Variants in SMIM13 observed in about 807,000 individuals in gnomAD.
SMIM13 encodes small integral membrane protein 13.
Under a neutral mutation model 5.9 loss-of-function variants are expected in SMIM13, and 3 were observed. The observed-to-expected ratio is 0.51, with a 90% CI of 0.23 to 1.31. The LOEUF (loss-of-function observed/expected upper bound fraction) is 1.31. Among genes scored for constraint, SMIM13 ranks in the 40% most tolerant of loss-of-function variants. SMIM13 has a pLI of 0.18. For missense variants in SMIM13, 85 were observed against 109.9 expected (o/e 0.77, Z 1.01); for synonymous variants, 55 against 46.0 (o/e 1.19, Z -0.79).
At chr6:11,116,888 ACTT>A (rs1758246009) in intron 1 of SMIM13, among the ~76,000 whole-genome samples, 1 of 141,644 alleles carries the variant, frequency 7.1e-6, no homozygotes, top group Non-Finnish European at 1.5e-5. Context: ...TTTAATTTGT[ACTT>A]CTTTTTCAAG....
chr6:11,109,940 C>T (rs542740005), intron 1 of SMIM13, among the ~76,000 whole-genome samples: 1 of 152,274 alleles, frequency 6.6e-6, no homozygotes, highest in East Asian at 1.9e-4. Flanking sequence ...GTGGGTAGGG[C>T]ATTACCCCAT....
At chr6:11,128,798 A>G (rs1402158981) in intron 1 of SMIM13, among the ~76,000 whole-genome samples, 3 of 151,848 alleles carry the variant, frequency 2.0e-5, no homozygotes, top group Non-Finnish European at 4.4e-5. Flanking sequence ...GCTTTCTCCT[A>G]TGACAGGACA....
At chr6:11,103,797 T>G (rs1355627237) in intron 1 of SMIM13, 2 of 1,551,622 alleles carry the variant, frequency 1.3e-6, no homozygotes, top group South Asian at 1.2e-5. Flanking sequence ...GGTTATTAGA[T>G]TTAGGAGACA....
chr6:11,123,928 C>T (rs1242837543), intron 1 of SMIM13, among the ~76,000 whole-genome samples: 2 of 152,076 alleles, frequency 1.3e-5, no homozygotes, highest in East Asian at 1.9e-4. Flanking sequence ...TATTTTGATA[C>T]GGGCATGCAA....
At chr6:11,097,149 A>T (rs1269415417) in intron 1 of SMIM13, among the ~76,000 whole-genome samples, 2 of 152,040 alleles carry the variant, frequency 1.3e-5, no homozygotes, top group Admixed American at 6.5e-5. Flanking sequence ...AAACGCATTT[A>T]TTTTTTTACA....
At chr6:11,124,098 T>C (rs1758346272) in intron 1 of SMIM13, among the ~76,000 whole-genome samples, 1 of 152,250 alleles carries the variant, frequency 6.6e-6, no homozygotes, top group African/African-American at 2.4e-5. Flanking sequence ...CTAGATCTTA[T>C]TCATTCTATC....
intron 1 of SMIM13, chr6:11,104,516 G>A (rs1478574110): frequency 1.3e-6 from 2 of 1,565,238 alleles, no homozygotes; most frequent in East Asian, 2.4e-5. Flanking sequence ...TGCCCAGGTA[G>A]CTGGTGGCTA....
At chr6:11,104,291 A>G in intron 1 of SMIM13, 5 of 1,551,734 alleles carry the variant, frequency 3.2e-6, no homozygotes, top group Non-Finnish European at 4.4e-6. Context: ...GGGAATTCCC[A>G]TAGATTGGTA....
chr6:11,098,223 A>G (rs529674570), intron 1 of SMIM13, among the ~76,000 whole-genome samples: 5 of 152,258 alleles, frequency 3.3e-5, no homozygotes, highest in Admixed American at 2.0e-4. Flanking sequence ...CCTTCTGTCT[A>G]CATTGGTTGT....
chr6:11,106,809 G>A (rs891187037), intron 1 of SMIM13, among the ~76,000 whole-genome samples: 47 of 152,136 alleles, frequency 3.1e-4, no homozygotes, highest in Non-Finnish European at 6.8e-4. Flanking sequence ...TCACCTCCTG[G>A]GGCAAATGAA....
intron 1 of SMIM13, among the ~76,000 whole-genome samples, chr6:11,116,383 A>G (rs1031636062): frequency 6.6e-6 from 1 of 152,200 alleles, no homozygotes; most frequent in South Asian, 2.1e-4. Flanking sequence ...AGGAGGAGTC[A>G]TATAAAGATT....
chr6:11,130,067 A>C (rs1167854659), intron 1 of SMIM13, among the ~76,000 whole-genome samples: 2 of 152,060 alleles, frequency 1.3e-5, no homozygotes, highest in African/African-American at 4.8e-5. Context: ...TGATATGGAA[A>C]CACCCTGTCT....
At position 11,105,331 on chromosome 6, in the gene SMIM13, T is replaced by G. The variant is rs770430439; in HGVS notation, c.76+10942T>G. ...CCCATGGTGACCTAAGAGAAACTGGTCACAAAACGAGCTGCCAATGGAACT... is the reference window on the plus strand; with the variant it reads ...CCCATGGTGACCTAAGAGAAACTGGGCACAAAACGAGCTGCCAATGGAACT... On this transcript the variant is annotated intron_variant, in intron 1 of 1. Transcript: ENST00000416247. 23 of 1,579,568 alleles carry G rather than the reference T, an allele frequency of 1.5e-5. No individual in the cohort carries two copies. In the South Asian group the frequency reaches 2.4e-4, roughly 16 times the overall value.
chr6:11,133,221 C>T (rs1291407247), intron 1 of SMIM13, among the ~76,000 whole-genome samples: 1 of 152,078 alleles, frequency 6.6e-6, no homozygotes, highest in Non-Finnish European at 1.5e-5. Context: ...TAATATTTTA[C>T]AAAGTTGGGT....
At chr6:11,095,994 C>A (rs954943241) in intron 1 of SMIM13, among the ~76,000 whole-genome samples, 1 of 152,186 alleles carries the variant, frequency 6.6e-6, no homozygotes, top group Admixed American at 6.5e-5. Flanking sequence ...GCCAAATTTA[C>A]CTTTATGGCT....
Position 11,138,385 on chromosome 6 carries a change from T to C in SMIM13, c.*3783T>C, listed in dbSNP as rs888818129. The C allele has an allele frequency of 6.6e-6, 1 of 152,194 alleles. No homozygotes were observed. The highest frequency in any genetic ancestry group is 1.5e-5 in the Non-Finnish European group (1 of 68,024). 9.4% of individuals were successfully genotyped at this position (152,194 alleles called of 1,614,324 possible). A position where few individuals can be genotyped will look rare whatever the true frequency, so the allele number is the denominator to read the frequency against. On this transcript the variant is annotated 3_prime_UTR_variant, in exon 2 of 2. Coordinates refer to ENST00000416247, the MANE Select transcript of SMIM13 (RefSeq NM_001135575.2). ...TACATTTTTCATTTGTTGGTGTACA[T>C]GTGCTACCTGTTTTATGGGGAATGT...
chr6:11,107,584 G>C (rs961881059), intron 1 of SMIM13, among the ~76,000 whole-genome samples: 4 of 152,184 alleles, frequency 2.6e-5, no homozygotes, highest in African/African-American at 9.7e-5. Flanking sequence ...AATGCAAATA[G>C]AAATTGGGAG....
chr6:11,116,982 CTTTTTTTTTTTTTT>C (rs68092921), intron 1 of SMIM13, among the ~76,000 whole-genome samples: 1 of 46,446 alleles, frequency 2.2e-5, no homozygotes, highest in African/African-American at 9.0e-5. Flanking sequence ...ATAATTGTTT[CTTTTTTTTTTTTTT>C]TTTTTTTTTT....
At chr6:11,112,735 T>C (rs1009006887) in intron 1 of SMIM13, among the ~76,000 whole-genome samples, 3 of 152,210 alleles carry the variant, frequency 2.0e-5, no homozygotes, top group Non-Finnish European at 4.4e-5. Context: ...TATACCACAA[T>C]TTGTTTATCC....
Sources: gnomAD v4.1 joint callset for allele counts (sites outside exome capture counted in the v4.1 genomes callset) on GRCh38, gnomAD v4.1.1 for gene constraint, MANE v1.5 for transcripts, NCBI Gene and HGNC (gene_info 2026-07-23, HGNC 2026-07-21) for gene names.